INPP4B: variants seen among roughly 807,000 people sequenced by gnomAD.
The protein encoded by INPP4B is inositol polyphosphate-4-phosphatase type II B.
A neutral mutation model predicts 122.5 loss-of-function variants in INPP4B; 55 were observed. The ratio of observed to expected loss-of-function variants is 0.45; its 90% CI spans 0.36 to 0.56. The LOEUF is 0.56. Among genes scored for constraint, INPP4B ranks in the 20% least tolerant of loss-of-function variants. The pLI is 0.00. For missense variants in INPP4B, 1,000 were observed against 1,097.7 expected (o/e 0.91, Z 1.26); for synonymous variants, 403 against 388.7 (o/e 1.04, Z -0.43).
At chr4:142,447,532 G>A (rs1415794828) in intron 3 of INPP4B, among the ~76,000 whole-genome samples, 1 of 152,152 alleles carries the variant, frequency 6.6e-6, no homozygotes, top group Non-Finnish European at 1.5e-5. Context: ...AAATGGAGTG[G>A]TGGTGTTAGT....
chr4:142,102,791 G>T (rs533696251), intron 23 of INPP4B, among the ~76,000 whole-genome samples: 2 of 151,904 alleles, frequency 1.3e-5, no homozygotes, highest in Admixed American at 6.6e-5. Context: ...GTCTCAGGGG[G>T]CCTCATCATT....
At chr4:142,454,773 T>C (rs1413117544) in intron 3 of INPP4B, among the ~76,000 whole-genome samples, 1 of 152,044 alleles carries the variant, frequency 6.6e-6, no homozygotes, top group East Asian at 1.9e-4. Flanking sequence ...ATATCTAATT[T>C]TGGAGAGAAT....
chr4:142,314,571 G>T, intron 8 of INPP4B, 141 bp downstream of exon 8: 1 of 745,200 alleles, frequency 1.3e-6, no homozygotes. Flanking sequence ...GCAAATATGT[G>T]ACAGTGCCTC....
At chr4:142,220,225 T>G (rs1005973983) in intron 12 of INPP4B, among the ~76,000 whole-genome samples, 2 of 152,176 alleles carry the variant, frequency 1.3e-5, no homozygotes, top group Non-Finnish European at 2.9e-5. Context: ...GTTTCTCCTA[T>G]GAAAGTGTCT....
chr4:142,083,067 A>C (rs1774886416), intron 24 of INPP4B, among the ~76,000 whole-genome samples: 1 of 151,676 alleles, frequency 6.6e-6, no homozygotes. Flanking sequence ...ATGCCACTGC[A>C]CTGCAGCCTG....
intron 2 of INPP4B, among the ~76,000 whole-genome samples, chr4:142,509,007 C>T (rs1824374471): frequency 6.6e-6 from 1 of 152,094 alleles, no homozygotes; most frequent in Admixed American, 6.5e-5. Context: ...TGAGGTTGTG[C>T]CAAAAAGCCC....
At chr4:142,636,275 T>C (rs1171850189) in intron 2 of INPP4B, among the ~76,000 whole-genome samples, 2 of 152,144 alleles carry the variant, frequency 1.3e-5, no homozygotes, top group African/African-American at 2.4e-5. Flanking sequence ...TATTTCTTTA[T>C]AGCAACATGA....
At chr4:142,789,756 C>A (rs1172302891) in intron 1 of INPP4B, among the ~76,000 whole-genome samples, 1 of 151,926 alleles carries the variant, frequency 6.6e-6, no homozygotes, top group Non-Finnish European at 1.5e-5. Flanking sequence ...TCACATGGAA[C>A]CAAAAAAGCC....
chr4:142,439,300 C>A (rs1050890277), intron 3 of INPP4B, among the ~76,000 whole-genome samples: 1 of 152,146 alleles, frequency 6.6e-6, no homozygotes, highest in Non-Finnish European at 1.5e-5. Flanking sequence ...TAATTCTCCC[C>A]CTTCCGTCTC....
chr4:142,720,038 G>A (rs1003098747), intron 2 of INPP4B, among the ~76,000 whole-genome samples: 1 of 152,132 alleles, frequency 6.6e-6, no homozygotes, highest in Non-Finnish European at 1.5e-5. Flanking sequence ...CAAAGCAGAA[G>A]TTTAGAGCTC....
intron 21 of INPP4B, among the ~76,000 whole-genome samples, chr4:142,116,052 G>A (rs1259763347): frequency 2.0e-5 from 3 of 152,004 alleles, no homozygotes; most frequent in Non-Finnish European, 2.9e-5. Flanking sequence ...ACAAAGATCA[G>A]AAGAGACAAA....
chr4:142,708,901 C>T (rs530926395), intron 2 of INPP4B, among the ~76,000 whole-genome samples: 21 of 152,240 alleles, frequency 1.4e-4, no homozygotes, highest in African/African-American at 3.9e-4. Flanking sequence ...CCTAGAAAAG[C>T]TGCAGCCACT....
intron 18 of INPP4B, among the ~76,000 whole-genome samples, chr4:142,131,419 A>G (rs1801202285): frequency 6.6e-6 from 1 of 152,228 alleles, no homozygotes; most frequent in Non-Finnish European, 1.5e-5. Context: ...CTAGGTGAAT[A>G]TAGAAGTTTC....
chr4:142,740,550 G>T (rs995566833), intron 1 of INPP4B, among the ~76,000 whole-genome samples: 2 of 151,970 alleles, frequency 1.3e-5, no homozygotes, highest in South Asian at 4.1e-4. Flanking sequence ...TGGGTACATT[G>T]GTGGTGTTTA....
At chr4:142,298,436 C>A (rs1759789532) in intron 9 of INPP4B, among the ~76,000 whole-genome samples, 1 of 150,440 alleles carries the variant, frequency 6.6e-6, no homozygotes. Context: ...CCTGTAACCC[C>A]AGCACTTTGG....
intron 7 of INPP4B, among the ~76,000 whole-genome samples, chr4:142,335,083 C>G (rs2151597332): frequency 8.0e-6 from 1 of 125,658 alleles, no homozygotes. Flanking sequence ...GCTTAATGCT[C>G]TGTCTGCTAC....
In INPP4B at chr4:142,442,519, G is replaced by T. The variant is rs184749159; in HGVS notation, c.-126-11134C>A. On this transcript the variant is annotated intron_variant, in intron 3 of 25. Coordinates refer to ENST00000262992, the MANE Select transcript of INPP4B (RefSeq NM_001101669.3). ...GGCAAAAGATGTCATAAAAAGTGAGGAAACAAACCACGGACTAGGAAAATA... is the reference window on the plus strand; with the variant it reads ...GGCAAAAGATGTCATAAAAAGTGAGTAAACAAACCACGGACTAGGAAAATA... 4.6e-3 allele frequency among the ~76,000 whole-genome samples: 700 copies of T among 151,840 alleles called. 4 individuals carry two copies. Among genetic ancestry groups the T allele is most frequent in the African/African-American group, 0.017 (690 of 41,418 alleles).
At chr4:142,822,665 C>T (rs748391871) in intron 1 of INPP4B, among the ~76,000 whole-genome samples, 7 of 152,030 alleles carry the variant, frequency 4.6e-5, no homozygotes, top group Non-Finnish European at 8.8e-5. Context: ...GAAACTGGTC[C>T]CTGGTGCCAA....
At chr4:142,318,711 AT>A (rs928634902) in intron 7 of INPP4B, among the ~76,000 whole-genome samples, 2 of 152,134 alleles carry the variant, frequency 1.3e-5, no homozygotes, top group Admixed American at 1.3e-4. Flanking sequence ...CATCTTGAAT[AT>A]TTTTTAAGGT....
Sources: gnomAD v4.1 joint callset for allele counts (sites outside exome capture counted in the v4.1 genomes callset) on GRCh38, gnomAD v4.1.1 for gene constraint, MANE v1.5 for transcripts, NCBI Gene and HGNC (gene_info 2026-07-23, HGNC 2026-07-21) for gene names.